The following CIMIP2C variants were observed in gnomAD, a reference collection of about 807,000 sequenced individuals.
The protein encoded by CIMIP2C is UPF0573 protein C2orf70.
At chr2:26,575,896 C>A in the CIMIP2C span, 2 of 1,611,042 alleles carry the variant, frequency 1.2e-6, no homozygotes, top group South Asian at 1.1e-5. Flanking sequence ...CCACCGTGAT[C>A]GGCAGGTACC....
the CIMIP2C span, chr2:26,577,983 G>A: frequency 3.6e-6 from 1 of 276,174 alleles, no homozygotes; most frequent in Non-Finnish European, 6.8e-6. Flanking sequence ...GATGCAGAGC[G>A]CAGTAAGGAG....
the CIMIP2C span, among the ~76,000 whole-genome samples, chr2:26,567,274 C>T: frequency 1.3e-5 from 2 of 152,134 alleles, no homozygotes; most frequent in African/African-American, 4.8e-5. Context: ...GTTCCCCCAT[C>T]CTGTTCTCAT....
chr2:26,572,129 A>C, the CIMIP2C span: 1 of 1,544,742 alleles, frequency 6.5e-7, no homozygotes, highest in Non-Finnish European at 8.7e-7. Context: ...CCATGGGTTG[A>C]CTCTGATTTA....
chr2:26,576,772 G>A, the CIMIP2C span, among the ~76,000 whole-genome samples: 2 of 152,222 alleles, frequency 1.3e-5, no homozygotes, highest in Admixed American at 1.3e-4. Context: ...CCACACCCCT[G>A]TTGTTCTTGT....
the CIMIP2C span, chr2:26,577,606 C>T: frequency 2.4e-5 from 38 of 1,613,844 alleles, no homozygotes; most frequent in African/African-American, 2.0e-4. Context: ...GGAGCCGGAA[C>T]GGTACCCCCT....
At chr2:26,574,813 T>C in the CIMIP2C span, among the ~76,000 whole-genome samples, 70 of 152,328 alleles carry the variant, frequency 4.6e-4, no homozygotes, top group South Asian at 0.013. Flanking sequence ...CCTGTGCTAC[T>C]GGAAGGCCCA....
chr2:26,575,415 C>T, the CIMIP2C span, among the ~76,000 whole-genome samples: 234 of 152,374 alleles, frequency 1.5e-3, 2 homozygotes, highest in African/African-American at 5.3e-3. Flanking sequence ...TTCAGGCCAA[C>T]GCCTGAGTAA....
the CIMIP2C span, among the ~76,000 whole-genome samples, chr2:26,575,568 C>G: frequency 6.6e-6 from 1 of 152,180 alleles, no homozygotes; most frequent in Admixed American, 6.5e-5. Flanking sequence ...GCCCAGAGCC[C>G]CTTGGACTTG....
the CIMIP2C span, among the ~76,000 whole-genome samples, chr2:26,568,083 C>T: frequency 2.6e-5 from 4 of 152,216 alleles, no homozygotes; most frequent in Admixed American, 2.0e-4. Flanking sequence ...GCAGGCACTA[C>T]TTTCGTTGTT....
chr2:26,563,084 G>T, the CIMIP2C span: 1 of 218,510 alleles, frequency 4.6e-6, no homozygotes, highest in Non-Finnish European at 9.0e-6. Context: ...CCGGCGCACA[G>T]GGCCAGCACC....
At chr2:26,565,415 A>G in the CIMIP2C span, among the ~76,000 whole-genome samples, 1 of 152,068 alleles carries the variant, frequency 6.6e-6, no homozygotes, top group Admixed American at 6.5e-5. Context: ...AAATCATCAC[A>G]ATAACCCAGA....
At chr2:26,577,942 T>C in the CIMIP2C span, 1 of 382,964 alleles carries the variant, frequency 2.6e-6, no homozygotes. Flanking sequence ...AAAGGCAGCC[T>C]GGCAGCTACA....
chr2:26,563,702 C>T, the CIMIP2C span, among the ~76,000 whole-genome samples: 1 of 152,212 alleles, frequency 6.6e-6, no homozygotes, highest in South Asian at 2.1e-4. Context: ...CTCTCCCCTG[C>T]AATCGGAACA....
At chr2:26,562,689 A>G in the CIMIP2C span, 1 of 1,566,974 alleles carries the variant, frequency 6.4e-7, no homozygotes. Flanking sequence ...ATGCCCGGGT[A>G]AGGCCGAGGG....
the CIMIP2C span, chr2:26,562,593 G>A: frequency 1.3e-6 from 2 of 1,562,170 alleles, no homozygotes; most frequent in Non-Finnish European, 1.7e-6. Flanking sequence ...CGCCAGGCTC[G>A]CTGTACTCGC....
At chr2:26,563,188 G>A in the CIMIP2C span, 4 of 158,506 alleles carry the variant, frequency 2.5e-5, no homozygotes, top group Admixed American at 1.3e-4. Flanking sequence ...CGGAAGAGCC[G>A]TAGTTAATGG....
chr2:26,574,002 A>G, the CIMIP2C span, among the ~76,000 whole-genome samples: 1 of 152,372 alleles, frequency 6.6e-6, no homozygotes, highest in East Asian at 1.9e-4. Context: ...TTTCCTGAAG[A>G]CAGAAAAGAA....
chr2:26,578,726 T>C, the CIMIP2C span: 1 of 470,990 alleles, frequency 2.1e-6, no homozygotes, highest in Non-Finnish European at 4.4e-6. Flanking sequence ...CTGCCCCCCA[T>C]CCCCATCACT....
At chr2:26,569,812 C>T in the CIMIP2C span, among the ~76,000 whole-genome samples, 2 of 152,074 alleles carry the variant, frequency 1.3e-5, no homozygotes, top group Non-Finnish European at 2.9e-5. Flanking sequence ...GGTGTGGTGG[C>T]ACCAGCCAAC....
Sources: gnomAD v4.1 joint callset for allele counts (sites outside exome capture counted in the v4.1 genomes callset) on GRCh38, gnomAD v4.1.1 for gene constraint, MANE v1.5 for transcripts, NCBI Gene and HGNC (gene_info 2026-07-23, HGNC 2026-07-21) for gene names.